FRMD6: variants seen among roughly 807,000 people sequenced by gnomAD.
FRMD6 encodes FERM domain-containing protein 6.
A neutral mutation model predicts 73.2 loss-of-function variants in FRMD6; 37 were observed. The observed-to-expected ratio is 0.51, with a 90% CI of 0.39 to 0.66. FRMD6 has a LOEUF of 0.66. Ranked by LOEUF, FRMD6 falls within the 30% of genes least tolerant of loss-of-function variation. FRMD6 has a pLI of 0.00. For synonymous variants in FRMD6, 273 were observed against 282.2 expected, an observed-to-expected ratio of 0.97 and a Z score of 0.33; for missense variants, 714 against 780.5, an observed-to-expected ratio of 0.91 and a Z score of 1.02.
At chr14:51,610,337 T>TAAAA (rs540289033) in intron 2 of FRMD6, among the ~76,000 whole-genome samples, 2 of 144,870 alleles carry the variant, frequency 1.4e-5, no homozygotes, top group African/African-American at 2.5e-5. Flanking sequence ...CCCTTTTTTT[T>TAAAA]TAAAAAAAAA....
At chr14:51,646,654 T>A (rs1163530734) in intron 2 of FRMD6, among the ~76,000 whole-genome samples, 1 of 150,814 alleles carries the variant, frequency 6.6e-6, no homozygotes, top group Middle Eastern at 3.2e-3. Flanking sequence ...ACAAACAGAA[T>A]ACATGAGTTA....
chr14:51,473,327 C>T, the FRMD6 span, among the ~76,000 whole-genome samples: 2 of 152,188 alleles, frequency 1.3e-5, no homozygotes, highest in African/African-American at 4.8e-5. Context: ...TTGACCCAGC[C>T]ACTTGTTGGT....
the FRMD6 span, among the ~76,000 whole-genome samples, chr14:51,422,906 C>T: frequency 1.3e-5 from 2 of 152,228 alleles, no homozygotes; most frequent in Admixed American, 1.3e-4. Flanking sequence ...GGCATGGTCA[C>T]ATGGTTTGCC....
the FRMD6 span, among the ~76,000 whole-genome samples, chr14:51,452,470 T>C: frequency 2.6e-5 from 4 of 152,154 alleles, no homozygotes; most frequent in Non-Finnish European, 5.9e-5. Flanking sequence ...GTTTGGGATG[T>C]TGAGGAGATA....
At chr14:51,402,730 C>A in the FRMD6 span, among the ~76,000 whole-genome samples, 2 of 151,874 alleles carry the variant, frequency 1.3e-5, no homozygotes, top group African/African-American at 4.8e-5. Context: ...GCTCTGCCAC[C>A]CGGGTTCACG....
intron 2 of FRMD6, among the ~76,000 whole-genome samples, chr14:51,631,280 T>TA (rs1347989056): frequency 6.6e-6 from 1 of 152,174 alleles, no homozygotes; most frequent in Non-Finnish European, 1.5e-5. Flanking sequence ...ACGGAGCACT[T>TA]ACAAGAAGTT....
chr14:51,585,330 G>T (rs771473084), intron 2 of FRMD6, among the ~76,000 whole-genome samples: 1 of 152,130 alleles, frequency 6.6e-6, no homozygotes, highest in Admixed American at 6.5e-5. Flanking sequence ...TTGTCCCAGC[G>T]GAGGGAGGGA....
chr14:51,548,212 A>G (rs1044250670), intron 1 of FRMD6, among the ~76,000 whole-genome samples: 6 of 152,258 alleles, frequency 3.9e-5, no homozygotes, highest in African/African-American at 1.4e-4. Flanking sequence ...ATTTTCTAAA[A>G]TATAGAAAAA....
At chr14:51,421,513 A>G in the FRMD6 span, among the ~76,000 whole-genome samples, 1 of 152,246 alleles carries the variant, frequency 6.6e-6, no homozygotes. Context: ...TGTGTCTAGG[A>G]AAGAAATCTG....
the FRMD6 span, among the ~76,000 whole-genome samples, chr14:51,442,861 C>G: frequency 6.6e-6 from 1 of 152,186 alleles, no homozygotes; most frequent in African/African-American, 2.4e-5. Context: ...TCCATTCCAC[C>G]TCAGAAGAAC....
Position 51,689,905 on chromosome 14 carries a change from C to T in FRMD6, c.69C>T (p.Pro23=). The T allele has an allele frequency of 6.8e-6, 11 of 1,610,774 alleles. No homozygotes were observed. Among genetic ancestry groups the T allele is most frequent in the Non-Finnish European group, 9.3e-6 (11 of 1,176,916 alleles). ...QDRRSVCIFL[P]NDESLNIIIN... is the part of the protein sequence containing the mutation. The stretch of plus-strand genomic sequence containing the variant: ...GCCGCAGTGTGTGCATTTTCCTTCC[C>T]AACGATGAATCTCTGAACATCATCA... The change falls in exon 2 of 14, where the codon CCC becomes CCT. Residue 23 remains proline (P), a synonymous_variant. Coordinates refer to ENST00000344768, the MANE Select transcript of FRMD6 (RefSeq NM_001267046.2).
At chr14:51,584,723 G>T (rs1263656679) in intron 2 of FRMD6, among the ~76,000 whole-genome samples, 2 of 152,114 alleles carry the variant, frequency 1.3e-5, no homozygotes, top group East Asian at 3.9e-4. Context: ...CTCCATCCTG[G>T]CCTTTCCTTT....
At chr14:51,648,078 G>C (rs182858035), upstream of FRMD6, among the ~76,000 whole-genome samples, 50 of 152,214 alleles carry the variant, frequency 3.3e-4, no homozygotes, top group African/African-American at 1.2e-3. Context: ...GCCCACCTCC[G>C]TCTCCCAAAG....
intron 2 of FRMD6, among the ~76,000 whole-genome samples, chr14:51,630,786 G>A (rs993798498): frequency 9.9e-5 from 15 of 152,126 alleles, no homozygotes; most frequent in African/African-American, 3.6e-4. Context: ...TGAGCAGGTG[G>A]AAGAAAGTGC....
intron 1 of FRMD6, among the ~76,000 whole-genome samples, chr14:51,686,827 A>T (rs905709780): frequency 1.3e-5 from 2 of 152,276 alleles, no homozygotes. Context: ...ATTTAATCTA[A>T]TTCTTTTCCC....
chr14:51,487,056 T>A (rs1418533878), upstream of FRMD6, among the ~76,000 whole-genome samples: 1 of 151,712 alleles, frequency 6.6e-6, no homozygotes, highest in East Asian at 1.9e-4. Flanking sequence ...ACCTACTGCA[T>A]CAGAAACTCT....
At chr14:51,405,951 G>T in the FRMD6 span, among the ~76,000 whole-genome samples, 1 of 152,216 alleles carries the variant, frequency 6.6e-6, no homozygotes, top group East Asian at 1.9e-4. Flanking sequence ...GTCTTCCAGG[G>T]TTTTTACAGT....
chr14:51,441,502 T>A, the FRMD6 span, among the ~76,000 whole-genome samples: 19 of 152,376 alleles, frequency 1.2e-4, no homozygotes, highest in African/African-American at 3.1e-4. Context: ...GTAAATTTTT[T>A]AATTTTCCAT....
At chr14:51,459,180 C>T in the FRMD6 span, among the ~76,000 whole-genome samples, 9 of 152,302 alleles carry the variant, frequency 5.9e-5, no homozygotes, top group African/African-American at 1.4e-4. Flanking sequence ...AGCAACAAAG[C>T]GCAAAAATCA....
Sources: gnomAD v4.1 joint callset for allele counts (sites outside exome capture counted in the v4.1 genomes callset) on GRCh38, gnomAD v4.1.1 for gene constraint, MANE v1.5 for transcripts, NCBI Gene and HGNC (gene_info 2026-07-23, HGNC 2026-07-21) for gene names.